NCAM2: variants seen among roughly 807,000 people sequenced by gnomAD.
NCAM2 encodes N-CAM-2.
A neutral mutation model predicts 98.1 loss-of-function variants in NCAM2; 30 were observed. The observed-to-expected ratio is 0.31, with a 90% CI of 0.23 to 0.41. NCAM2 has a LOEUF of 0.41. Among genes scored for constraint, NCAM2 ranks in the 10% least tolerant of loss-of-function variants. The pLI, the probability that NCAM2 is intolerant of heterozygous loss-of-function variation, is 1.00. For missense variants in NCAM2, 867 were observed against 1,005.8 expected (o/e 0.86, Z 1.87); for synonymous variants, 368 against 342.4 (o/e 1.07, Z -0.83).
intron 5 of NCAM2, 146 bp downstream of exon 5, chr21:21,292,387 C>A: frequency 2.6e-6 from 2 of 760,892 alleles, no homozygotes; most frequent in Non-Finnish European, 4.1e-6. Flanking sequence ...TTTATTATGG[C>A]ATCTGTAACA....
At chr21:21,234,318 A>G (rs1364853874) in intron 1 of NCAM2, among the ~76,000 whole-genome samples, 2 of 151,944 alleles carry the variant, frequency 1.3e-5, no homozygotes, top group Non-Finnish European at 2.9e-5. Flanking sequence ...AAATGGATAC[A>G]TATGTACAAT....
chr21:21,459,163 T>C (rs982169908), intron 12 of NCAM2, among the ~76,000 whole-genome samples: 3 of 150,832 alleles, frequency 2.0e-5, no homozygotes, highest in East Asian at 1.9e-4. Flanking sequence ...CTCACACCTG[T>C]TGGGATGGCT....
At chr21:21,109,801 A>G (rs1187423932) in intron 1 of NCAM2, among the ~76,000 whole-genome samples, 1 of 152,204 alleles carries the variant, frequency 6.6e-6, no homozygotes, top group Non-Finnish European at 1.5e-5. Context: ...TCTAGCTGTT[A>G]ACACAAGATT....
intron 1 of NCAM2, among the ~76,000 whole-genome samples, chr21:21,141,463 C>T (rs748389062): frequency 4.6e-5 from 7 of 152,094 alleles, no homozygotes; most frequent in Non-Finnish European, 1.0e-4. Context: ...GATATGGTTA[C>T]CAGTGATACC....
chr21:21,034,219 CTGTA>C (rs1380477109), intron 1 of NCAM2, among the ~76,000 whole-genome samples: 1 of 152,100 alleles, frequency 6.6e-6, no homozygotes, highest in Non-Finnish European at 1.5e-5. Flanking sequence ...GGTTAAGTCT[CTGTA>C]TGGCATAATC....
chr21:21,503,165 C>G (rs1344864391), intron 15 of NCAM2, among the ~76,000 whole-genome samples: 1 of 151,888 alleles, frequency 6.6e-6, no homozygotes, highest in African/African-American at 2.4e-5. Flanking sequence ...ATGCCTGAAA[C>G]CTTTGATCGT....
At chr21:21,181,775 CG>C (rs1427759367) in intron 1 of NCAM2, among the ~76,000 whole-genome samples, 1 of 152,062 alleles carries the variant, frequency 6.6e-6, no homozygotes, top group African/African-American at 2.4e-5. Flanking sequence ...CCTCTTCCTT[CG>C]TTTTTTTTCC....
chr21:21,328,121 T>C (rs573044179), intron 6 of NCAM2, among the ~76,000 whole-genome samples: 1 of 152,300 alleles, frequency 6.6e-6, no homozygotes, highest in Non-Finnish European at 1.5e-5. Context: ...GCCTCATATG[T>C]GATGGTGGTT....
chr21:21,257,015 T>C (rs1209791026), intron 1 of NCAM2, among the ~76,000 whole-genome samples: 3 of 152,234 alleles, frequency 2.0e-5, no homozygotes, highest in African/African-American at 7.2e-5. Context: ...TTCATCTTTT[T>C]AATCAAGCTG....
intron 1 of NCAM2, among the ~76,000 whole-genome samples, chr21:21,102,650 G>C (rs1476206228): frequency 9.2e-6 from 1 of 109,038 alleles, no homozygotes; most frequent in Admixed American, 1.1e-4. Flanking sequence ...GAAAATACTT[G>C]AGTTGTTAAC....
chr21:21,239,486 T>C (rs1337493995), intron 1 of NCAM2: 5 of 152,210 alleles, frequency 3.3e-5, no homozygotes, highest in African/African-American at 1.2e-4. Flanking sequence ...TTCTGGATAA[T>C]GGTTCAATGT....
intron 16 of NCAM2, among the ~76,000 whole-genome samples, chr21:21,529,570 T>A (rs181887492): frequency 2.8e-4 from 43 of 152,122 alleles, no homozygotes; most frequent in African/African-American, 9.6e-4. Context: ...CTTTTACTCT[T>A]CCCTTTTCTA....
chr21:21,410,137 A>C (rs2076826245), intron 9 of NCAM2, 137 bp from the exon 10 acceptor site: 6 of 537,926 alleles, frequency 1.1e-5, no homozygotes, highest in Admixed American at 9.3e-5. Context: ...CGTCTCAAAA[A>C]GAAAAAAAAA....
At chr21:21,012,680 C>T (rs1020448080) in intron 1 of NCAM2, among the ~76,000 whole-genome samples, 1 of 151,992 alleles carries the variant, frequency 6.6e-6, no homozygotes, top group Non-Finnish European at 1.5e-5. Context: ...ATTGTGTTTC[C>T]TTTTATTGCA....
Position 21,427,394 on chromosome 21 carries a change from A to T in NCAM2, c.1481-4714A>T, listed in dbSNP as rs191514960. On this transcript the variant is annotated intron_variant, in intron 11 of 17. Transcript: ENST00000400546. The stretch of plus-strand genomic sequence containing the variant: ...AAGGGTTTAGTCTTGGAAAATAAGA[A>T]GATAGAGTTCCATTATCAGTTAATC... Among the ~76,000 whole-genome samples the T allele has an allele frequency of 7.7e-3, 1,180 of 152,346 alleles. 11 individuals carry two copies. Among genetic ancestry groups the T allele is most frequent in the Non-Finnish European group, 0.011 (733 of 68,032 alleles).
intron 8 of NCAM2, among the ~76,000 whole-genome samples, chr21:21,341,594 A>G (rs1464809107): frequency 6.6e-6 from 1 of 152,200 alleles, no homozygotes; most frequent in Non-Finnish European, 1.5e-5. Context: ...GTGAAATATC[A>G]TAAATGTCGT....
At chr21:21,207,184 A>G (rs969962139) in intron 1 of NCAM2, among the ~76,000 whole-genome samples, 1 of 152,182 alleles carries the variant, frequency 6.6e-6, no homozygotes, top group African/African-American at 2.4e-5. Context: ...TTTAACACAC[A>G]TTAATCAGAA....
At chr21:21,499,937 G>A (rs923132509) in intron 15 of NCAM2, among the ~76,000 whole-genome samples, 4 of 151,968 alleles carry the variant, frequency 2.6e-5, no homozygotes, top group African/African-American at 9.7e-5. Context: ...GAATTTCCAA[G>A]TGCATTTATA....
chr21:21,128,491 T>A (rs1340646635), intron 1 of NCAM2, among the ~76,000 whole-genome samples: 1 of 152,108 alleles, frequency 6.6e-6, no homozygotes, highest in Non-Finnish European at 1.5e-5. Flanking sequence ...TTTCCTTAAT[T>A]GAGAATTAAG....
Sources: allele counts gnomAD v4.1 joint callset (sites outside exome capture counted in the v4.1 genomes callset), GRCh38; gene constraint gnomAD v4.1.1; transcripts MANE v1.5; gene names NCBI Gene and HGNC (gene_info 2026-07-23, HGNC 2026-07-21).